NECAB1: variants seen among roughly 807,000 people sequenced by gnomAD.
NECAB1 encodes N-terminal EF-hand calcium-binding protein 1.
A neutral mutation model predicts 57.5 loss-of-function variants in NECAB1; 29 were observed. The observed-to-expected ratio is 0.50, with a 90% CI of 0.38 to 0.69. NECAB1 has a LOEUF of 0.69. NECAB1 is among the 30% of genes least tolerant of loss of function. NECAB1 has a pLI of 0.00. For synonymous variants in NECAB1, 142 were observed against 147.7 expected, an observed-to-expected ratio of 0.96 and a Z score of 0.28; for missense variants, 372 against 413.8, an observed-to-expected ratio of 0.90 and a Z score of 0.88.
rs1811582468 is a variant in NECAB1, at chr8:90,791,961, C to T, written c.75C>T (p.Ser25=). ...SEELSSALHL[S]KGMSIFLDIL... is the part of the protein sequence containing the mutation. Reference sequence around the variant, plus strand: ...AGCTCAGCTCTGCTCTGCACCTGTCCAAGGGCATGTCGATCTTCCTCGACG... The same window carrying T: ...AGCTCAGCTCTGCTCTGCACCTGTCTAAGGGCATGTCGATCTTCCTCGACG... Residue 25 remains serine, a synonymous_variant, in exon 1 of 13, where the codon TCC becomes TCT. Coordinates refer to ENST00000417640, the MANE Select transcript of NECAB1 (RefSeq NM_022351.5). 2 of 1,552,540 alleles carry T rather than the reference C, an allele frequency of 1.3e-6. No individual in the cohort carries two copies. Among genetic ancestry groups the T allele is most frequent in the African/African-American group, 1.4e-5 (1 of 73,106 alleles).
chr8:90,939,819 T>C (rs1281610933), intron 9 of NECAB1, among the ~76,000 whole-genome samples: 1 of 152,228 alleles, frequency 6.6e-6, no homozygotes, highest in Non-Finnish European at 1.5e-5. Flanking sequence ...GCTATTGACA[T>C]GAAATGAGAA....
At chr8:90,833,931 G>A (rs185414484) in intron 3 of NECAB1, among the ~76,000 whole-genome samples, 305 of 152,210 alleles carry the variant, frequency 2.0e-3, no homozygotes, top group African/African-American at 6.9e-3. Context: ...GGAAGGCTGA[G>A]GCAGGTGGAT....
At chr8:90,897,262 C>T (rs1809379279) in intron 5 of NECAB1, among the ~76,000 whole-genome samples, 1 of 152,144 alleles carries the variant, frequency 6.6e-6, no homozygotes, top group Admixed American at 6.5e-5. Flanking sequence ...CCAAAAGCTT[C>T]TGAAAATGGA....
intron 10 of NECAB1, among the ~76,000 whole-genome samples, chr8:90,945,471 A>G (rs1810782347): frequency 6.6e-6 from 1 of 152,206 alleles, no homozygotes; most frequent in Non-Finnish European, 1.5e-5. Flanking sequence ...AAGTATTGGG[A>G]TAACAGGAGT....
intron 6 of NECAB1, among the ~76,000 whole-genome samples, chr8:90,918,427 T>C (rs1810029524): frequency 1.3e-5 from 2 of 152,032 alleles, no homozygotes; most frequent in African/African-American, 4.8e-5. Context: ...AAGTCTATCA[T>C]ATAAATAAGA....
At chr8:90,832,995 T>G (rs538275753) in intron 3 of NECAB1, among the ~76,000 whole-genome samples, 2 of 152,310 alleles carry the variant, frequency 1.3e-5, no homozygotes, top group East Asian at 3.9e-4. Context: ...TAGAATATAT[T>G]TGATGTATAC....
chr8:90,796,587 A>G (rs1450783587), intron 1 of NECAB1, among the ~76,000 whole-genome samples: 1 of 152,242 alleles, frequency 6.6e-6, no homozygotes, highest in Non-Finnish European at 1.5e-5. Context: ...TTTTTGAAAT[A>G]AAGGAATCTA....
At chr8:90,830,741 G>C (rs1466997329) in intron 3 of NECAB1, among the ~76,000 whole-genome samples, 1 of 152,062 alleles carries the variant, frequency 6.6e-6, no homozygotes, top group East Asian at 1.9e-4. Flanking sequence ...GCAGATGTAT[G>C]CTTTTTTTGA....
intron 5 of NECAB1, among the ~76,000 whole-genome samples, chr8:90,915,342 T>C (rs1809925347): frequency 6.6e-6 from 1 of 152,126 alleles, no homozygotes; most frequent in Admixed American, 6.6e-5. Flanking sequence ...TTTTAAAAAC[T>C]CATTCAGAGA....
chr8:90,821,616 C>T (rs1394678794), intron 2 of NECAB1, among the ~76,000 whole-genome samples: 2 of 151,810 alleles, frequency 1.3e-5, no homozygotes, highest in Non-Finnish European at 1.5e-5. Flanking sequence ...ATCTGTGTCT[C>T]ATCACAAGTG....
At chr8:90,881,267 T>C (rs891113859) in intron 5 of NECAB1, 137 bp downstream of exon 5, 20 of 634,914 alleles carry the variant, frequency 3.2e-5, no homozygotes, top group African/African-American at 7.4e-5. Context: ...AAATGAGCTA[T>C]GTTATTCATT....
At chr8:90,953,118 A>G (rs1810953547) in intron 12 of NECAB1, among the ~76,000 whole-genome samples, 2 of 152,246 alleles carry the variant, frequency 1.3e-5, no homozygotes, top group Admixed American at 1.3e-4. Context: ...CAATGTGGAA[A>G]GAAAGGAACA....
At chr8:90,869,823 A>T (rs1320202007) in intron 3 of NECAB1, among the ~76,000 whole-genome samples, 1 of 152,154 alleles carries the variant, frequency 6.6e-6, no homozygotes, top group Non-Finnish European at 1.5e-5. Flanking sequence ...GGACTGTTAG[A>T]AGGGATGATA....
chr8:90,867,793 C>T (rs1166896319), intron 3 of NECAB1, among the ~76,000 whole-genome samples: 2 of 152,162 alleles, frequency 1.3e-5, no homozygotes, highest in Admixed American at 1.3e-4. Flanking sequence ...AGTGGCTGGC[C>T]TTGTATGCCA....
intron 5 of NECAB1, among the ~76,000 whole-genome samples, chr8:90,911,830 C>T (rs745854062): frequency 4.6e-5 from 7 of 152,094 alleles, no homozygotes; most frequent in African/African-American, 7.2e-5. Flanking sequence ...ATCCTTTCTC[C>T]AATGGGTTAA....
At chr8:90,828,274 AT>A (rs1308318746) in intron 3 of NECAB1, among the ~76,000 whole-genome samples, 3 of 152,018 alleles carry the variant, frequency 2.0e-5, no homozygotes, top group Admixed American at 6.6e-5. Context: ...TTCTGCAAAG[AT>A]TTTTGTATAT....
intron 3 of NECAB1, among the ~76,000 whole-genome samples, chr8:90,864,287 A>AT (rs1808464758): frequency 7.1e-6 from 1 of 140,232 alleles, no homozygotes; most frequent in Non-Finnish European, 1.5e-5. Context: ...GAAAAAAAAA[A>AT]CGAGGAAGGA....
At chr8:90,946,731 C>G (rs938104755) in intron 10 of NECAB1, among the ~76,000 whole-genome samples, 1 of 152,162 alleles carries the variant, frequency 6.6e-6, no homozygotes. Flanking sequence ...CCTGAAGATG[C>G]AAATGTTTTC....
At chr8:90,893,842 A>G (rs1809253645) in intron 5 of NECAB1, among the ~76,000 whole-genome samples, 1 of 115,624 alleles carries the variant, frequency 8.6e-6, no homozygotes, top group South Asian at 2.4e-4. Flanking sequence ...CATTTTGTAA[A>G]GAATGCTATT....
Sources: allele counts gnomAD v4.1 joint callset (sites outside exome capture counted in the v4.1 genomes callset), GRCh38; gene constraint gnomAD v4.1.1; transcripts MANE v1.5; gene names NCBI Gene and HGNC (gene_info 2026-07-23, HGNC 2026-07-21).